MARCHF1: variants seen among roughly 807,000 people sequenced by gnomAD.
MARCHF1 encodes membrane associated ring-CH-type finger 1.
Under a neutral mutation model 54.2 loss-of-function variants are expected in MARCHF1, and 40 were observed. That is an observed-to-expected ratio of 0.74 (90% CI 0.57 to 0.96). The LOEUF (loss-of-function observed/expected upper bound fraction) is 0.96, where lower values mean the gene tolerates loss of function less well. Ranked by LOEUF, MARCHF1 falls within the 40% of genes least tolerant of loss-of-function variation. The pLI is 0.00. For missense variants in MARCHF1, 586 were observed against 656.5 expected, an observed-to-expected ratio of 0.89 and a Z score of 1.17; for synonymous variants, 236 against 236.3, an observed-to-expected ratio of 1.00 and a Z score of 0.01.
intron 2 of MARCHF1, among the ~76,000 whole-genome samples, chr4:164,022,578 C>G (rs1266802418): frequency 2.6e-5 from 4 of 152,238 alleles, no homozygotes; most frequent in Non-Finnish European, 4.4e-5. Flanking sequence ...CACCCTGTAT[C>G]TACCACAGAC....
At chr4:164,152,267 A>G (rs1035847167) in intron 1 of MARCHF1, among the ~76,000 whole-genome samples, 2 of 152,180 alleles carry the variant, frequency 1.3e-5, no homozygotes, top group Admixed American at 1.3e-4. Flanking sequence ...AGATGGTATC[A>G]TAATTATTCT....
At chr4:164,025,977 T>C (rs1033293673) in intron 2 of MARCHF1, among the ~76,000 whole-genome samples, 1 of 152,006 alleles carries the variant, frequency 6.6e-6, no homozygotes, top group Non-Finnish European at 1.5e-5. Flanking sequence ...ACAGAGGATA[T>C]GGATAAATTC....
chr4:163,666,414 A>G (rs1034188780), intron 5 of MARCHF1, among the ~76,000 whole-genome samples: 7 of 152,056 alleles, frequency 4.6e-5, no homozygotes, highest in Admixed American at 4.6e-4. Context: ...GTTACACCCA[A>G]CCCCCTCAAA....
rs78511345 is a variant in MARCHF1 at position 163,863,672 on chromosome 4, C to T, written c.-38-9503G>A. 2.5e-4 allele frequency among the ~76,000 whole-genome samples: 38 copies of T among 151,964 alleles called. 1 individual carries two copies. In the East Asian group the frequency reaches 5.4e-3, roughly 22 times the overall value. ...TGACGGGTCCCGGAAACAATGATAC[C>T]CTAGTGGCAACAAATATGCCGAGTG... On this transcript the variant is annotated intron_variant, in intron 3 of 9. Transcript: ENST00000514618.
chr4:164,022,017 C>T lies in MARCHF1; in HGVS notation c.-247-33308G>A, dbSNP rs77669617. 3.2e-3 allele frequency among the ~76,000 whole-genome samples: 483 copies of T among 152,038 alleles called. 3 individuals are homozygous for T. Among genetic ancestry groups the T allele is most frequent in the African/African-American group, 0.011 (466 of 41,490 alleles). On this transcript the variant is annotated intron_variant, in intron 2 of 9. Transcript: ENST00000514618. ...ATATGACATTTTGGTAGAGTAAAAG[C>T]CTTCCATCAATTCCAGTTATTCCCT...
chr4:164,102,527 G>C (rs1368043476), intron 2 of MARCHF1, among the ~76,000 whole-genome samples: 1 of 150,216 alleles, frequency 6.7e-6, no homozygotes, highest in Admixed American at 6.6e-5. Flanking sequence ...CTTCATAAGT[G>C]AAGGAGAAAT....
At chr4:164,263,224 A>T (rs1187862346) in intron 1 of MARCHF1, among the ~76,000 whole-genome samples, 2 of 152,156 alleles carry the variant, frequency 1.3e-5, no homozygotes, top group Non-Finnish European at 2.9e-5. Flanking sequence ...AAATTAAGGT[A>T]AAAAAGACAC....
At chr4:164,237,494 GA>G (rs996970243) in intron 1 of MARCHF1, among the ~76,000 whole-genome samples, 3 of 151,938 alleles carry the variant, frequency 2.0e-5, no homozygotes, top group African/African-American at 7.2e-5. Flanking sequence ...CAAACACCTG[GA>G]CCACAACCCA....
intron 3 of MARCHF1, among the ~76,000 whole-genome samples, chr4:163,954,292 A>C (rs1442400235): frequency 6.6e-6 from 1 of 152,188 alleles, no homozygotes; most frequent in African/African-American, 2.4e-5. Context: ...TGTTTAGCAT[A>C]AATCCAAATA....
intron 2 of MARCHF1, among the ~76,000 whole-genome samples, chr4:164,097,873 T>G (rs1195991193): frequency 6.6e-6 from 1 of 152,164 alleles, no homozygotes; most frequent in Non-Finnish European, 1.5e-5. Flanking sequence ...GGTGAACCAG[T>G]GCCTCTGTAG....
rs182729761 is a variant in MARCHF1, at chr4:164,121,205, T to A, written c.-322-9543A>T. On this transcript the variant is annotated intron_variant, in intron 1 of 9. Coordinates refer to ENST00000514618, the MANE Select transcript of MARCHF1 (RefSeq NM_001394959.1). The stretch of plus-strand genomic sequence containing the variant: ...ACTATGAGCAATTATCTGCCAAAAA[T>A]TGGAAAATCTAGAAGAAATGGACAA... Among the ~76,000 whole-genome samples the A allele has an allele frequency of 3.5e-3, 526 of 152,050 alleles. 4 individuals carry two copies. Among genetic ancestry groups the A allele is most frequent in the African/African-American group, 0.012 (492 of 41,504 alleles).
chr4:164,324,994 C>T (rs61558890), intron 1 of MARCHF1, among the ~76,000 whole-genome samples: 19,356 of 151,144 alleles, frequency 0.13, 1,998 homozygotes, highest in East Asian at 0.43. Context: ...CCAAGAATAG[C>T]ACAATAAAGG....
intron 3 of MARCHF1, among the ~76,000 whole-genome samples, chr4:163,859,667 AG>A (rs1277931023): frequency 6.6e-6 from 1 of 152,070 alleles, no homozygotes; most frequent in African/African-American, 2.4e-5. Flanking sequence ...GGGCGAGAAA[AG>A]CTTTTTGAAA....
intron 1 of MARCHF1, among the ~76,000 whole-genome samples, chr4:164,290,516 T>C (rs1022843260): frequency 6.6e-6 from 1 of 151,566 alleles, no homozygotes; most frequent in Non-Finnish European, 1.5e-5. Flanking sequence ...GAATCATAAA[T>C]GGAAAAAAAG....
chr4:164,202,759 C>T (rs897852182), intron 1 of MARCHF1, among the ~76,000 whole-genome samples: 1 of 152,100 alleles, frequency 6.6e-6, no homozygotes, highest in Non-Finnish European at 1.5e-5. Flanking sequence ...CGAATATTTC[C>T]TACTATTTGC....
chr4:164,119,013 G>T (rs997129533), intron 1 of MARCHF1, among the ~76,000 whole-genome samples: 1 of 147,252 alleles, frequency 6.8e-6, no homozygotes, highest in Non-Finnish European at 1.5e-5. Flanking sequence ...AATATATAAG[G>T]ATAAAGATAA....
intron 2 of MARCHF1, among the ~76,000 whole-genome samples, chr4:164,038,330 A>T (rs981840246): frequency 3.3e-5 from 5 of 152,022 alleles, no homozygotes; most frequent in African/African-American, 1.2e-4. Flanking sequence ...TGTCTCTACT[A>T]AAAATACAAA....
At chr4:164,101,200 T>C (rs1180559778) in intron 2 of MARCHF1, among the ~76,000 whole-genome samples, 1 of 152,168 alleles carries the variant, frequency 6.6e-6, no homozygotes, top group African/African-American at 2.4e-5. Flanking sequence ...GCACCCGCCA[T>C]TGCCCAGGCT....
chr4:164,166,395 C>T (rs1352689685), intron 1 of MARCHF1, among the ~76,000 whole-genome samples: 2 of 151,974 alleles, frequency 1.3e-5, no homozygotes, highest in Non-Finnish European at 2.9e-5. Flanking sequence ...AAAAATCTTA[C>T]ATTAAAATGC....
Sources: allele counts gnomAD v4.1 joint callset (sites outside exome capture counted in the v4.1 genomes callset), GRCh38; gene constraint gnomAD v4.1.1; transcripts MANE v1.5; gene names NCBI Gene and HGNC (gene_info 2026-07-23, HGNC 2026-07-21).